The following ZNF385B variants were observed in gnomAD, a reference collection of about 807,000 sequenced individuals.
ZNF385B encodes the protein zinc finger protein 533.
ZNF385B carries 23 observed loss-of-function variants against 39.2 expected under a neutral mutation model. The observed-to-expected ratio is 0.59, with a 90% CI of 0.42 to 0.83. ZNF385B has a LOEUF of 0.83. Ranked by LOEUF, ZNF385B falls within the 40% of genes least tolerant of loss-of-function variation. The probability of loss-of-function intolerance (pLI) is 0.00; values close to 1 mark genes in which losing one functional copy is unlikely to be tolerated. For synonymous variants in ZNF385B, 205 were observed against 222.6 expected (o/e 0.92, Z 0.70); for missense variants, 552 against 598.9 (o/e 0.92, Z 0.82).
intron 1 of ZNF385B, among the ~76,000 whole-genome samples, chr2:179,825,629 T>C (rs990763346): frequency 6.6e-6 from 1 of 152,182 alleles, no homozygotes; most frequent in African/African-American, 2.4e-5. Flanking sequence ...TAGCTGTGCC[T>C]AGGCTTTATC....
At chr2:179,486,924 C>CA (rs1351492277) in intron 5 of ZNF385B, among the ~76,000 whole-genome samples, 2 of 151,552 alleles carry the variant, frequency 1.3e-5, no homozygotes, top group Non-Finnish European at 2.9e-5. Flanking sequence ...TCAAAAAAAA[C>CA]AAAAAACAAA....
intron 1 of ZNF385B, among the ~76,000 whole-genome samples, chr2:179,779,217 C>T (rs184916162): frequency 3.4e-3 from 518 of 152,224 alleles, no homozygotes; most frequent in South Asian, 7.5e-3. Context: ...GATGATGAAA[C>T]CAAGAGCTAA....
At chr2:179,493,404 T>C (rs191261078) in intron 5 of ZNF385B, among the ~76,000 whole-genome samples, 3 of 151,754 alleles carry the variant, frequency 2.0e-5, no homozygotes, top group Admixed American at 1.3e-4. Context: ...TGCATACATA[T>C]ATGTACACAA....
intron 3 of ZNF385B, among the ~76,000 whole-genome samples, chr2:179,691,930 C>T (rs888435446): frequency 6.6e-6 from 1 of 152,058 alleles, no homozygotes; most frequent in East Asian, 1.9e-4. Flanking sequence ...TTAATGCAAG[C>T]ATACAATGTG....
At chr2:179,758,712 G>A (rs945845880) in intron 3 of ZNF385B, among the ~76,000 whole-genome samples, 3 of 152,146 alleles carry the variant, frequency 2.0e-5, no homozygotes, top group Non-Finnish European at 4.4e-5. Context: ...TTGAAGAGGG[G>A]TCTACTGGTA....
intron 5 of ZNF385B, among the ~76,000 whole-genome samples, chr2:179,503,887 T>C (rs1189996245): frequency 1.3e-5 from 2 of 151,296 alleles, no homozygotes; most frequent in Non-Finnish European, 2.9e-5. Flanking sequence ...TCTTTTTTTT[T>C]TTTTATACTT....
At chr2:179,802,840 T>C (rs1419279212) in intron 1 of ZNF385B, among the ~76,000 whole-genome samples, 1 of 152,154 alleles carries the variant, frequency 6.6e-6, no homozygotes, top group Non-Finnish European at 1.5e-5. Flanking sequence ...TCTGCTGTTC[T>C]GCTTTCTTTT....
At chr2:179,709,477 G>A (rs751119088) in intron 3 of ZNF385B, among the ~76,000 whole-genome samples, 2 of 152,100 alleles carry the variant, frequency 1.3e-5, no homozygotes, top group Non-Finnish European at 2.9e-5. Context: ...TTATATCCAG[G>A]GCATGCATAT....
intron 5 of ZNF385B, among the ~76,000 whole-genome samples, chr2:179,516,523 A>C (rs868296486): frequency 1.3e-5 from 2 of 152,048 alleles, no homozygotes; most frequent in African/African-American, 2.4e-5. Flanking sequence ...TATTTCCTTA[A>C]TCGTTAAACA....
In ZNF385B at chr2:179,467,815, A is replaced by C. The variant is rs973412765; in HGVS notation, c.715+15457T>G. Among the ~76,000 whole-genome samples, 53 of 152,136 alleles carry C rather than the reference A, an allele frequency of 3.5e-4. 1 individual carries two copies. Among genetic ancestry groups the C allele is most frequent in the East Asian group, 1.9e-4 (1 of 5,206 alleles). On this transcript the variant is annotated intron_variant, in intron 6 of 9. Transcript: ENST00000410066. ...ATCTGCATGTCCTTTAGAAAAAAAA[A>C]AACAACAAAATAAAAAGCATATTCA... is the stretch of plus-strand genomic sequence containing the variant.
intron 6 of ZNF385B, among the ~76,000 whole-genome samples, chr2:179,447,872 C>T (rs2049662950): frequency 6.6e-6 from 1 of 151,990 alleles, no homozygotes; most frequent in South Asian, 2.1e-4. Flanking sequence ...TATGGGTAAA[C>T]CTAAGCTTTT....
At chr2:179,618,997 C>T (rs1167293523) in intron 3 of ZNF385B, among the ~76,000 whole-genome samples, 1 of 152,076 alleles carries the variant, frequency 6.6e-6, no homozygotes, top group Non-Finnish European at 1.5e-5. Context: ...TACTATGAAA[C>T]AACACCTGGT....
chr2:179,571,359 T>C (rs1347404680), intron 3 of ZNF385B, among the ~76,000 whole-genome samples: 1 of 152,208 alleles, frequency 6.6e-6, no homozygotes, highest in African/African-American at 2.4e-5. Context: ...CACTGTGATC[T>C]ATTGAGCATT....
At chr2:179,704,696 G>C (rs548738572) in intron 3 of ZNF385B, among the ~76,000 whole-genome samples, 45 of 152,246 alleles carry the variant, frequency 3.0e-4, no homozygotes, top group Non-Finnish European at 4.9e-4. Context: ...CAGGGCCAAA[G>C]GTACTCTGAA....
intron 3 of ZNF385B, among the ~76,000 whole-genome samples, chr2:179,607,554 T>C (rs1314095240): frequency 1.3e-5 from 2 of 152,150 alleles, no homozygotes; most frequent in African/African-American, 4.8e-5. Flanking sequence ...TCTCAGGTAG[T>C]TCTTTATAGC....
chr2:179,696,349 T>TTTTTTTTTTTTTTTTTTTTTTTCA (rs1698759061), intron 3 of ZNF385B, among the ~76,000 whole-genome samples: 1 of 143,626 alleles, frequency 7.0e-6, no homozygotes. Context: ...TTTTTTTTTT[T>TTTTTTTTTTTTTTTTTTTTTTTCA]GCATCCTAGG....
chr2:179,603,426 G>A (rs1688560728), intron 3 of ZNF385B, among the ~76,000 whole-genome samples: 1 of 152,138 alleles, frequency 6.6e-6, no homozygotes, highest in Admixed American at 6.6e-5. Context: ...CATTGGTAAA[G>A]CTTTGGTCTT....
At chr2:179,670,744 T>A (rs1401240961) in intron 3 of ZNF385B, among the ~76,000 whole-genome samples, 4 of 152,124 alleles carry the variant, frequency 2.6e-5, no homozygotes, top group African/African-American at 9.7e-5. Flanking sequence ...ATGAGTGAAT[T>A]TAGGGGGTAC....
intron 5 of ZNF385B, among the ~76,000 whole-genome samples, chr2:179,495,761 A>G (rs2056135828): frequency 1.3e-5 from 2 of 152,200 alleles, no homozygotes; most frequent in African/African-American, 4.8e-5. Flanking sequence ...TCAAGGTGGT[A>G]CCTCTATGAG....
Sources: gnomAD v4.1 joint callset for allele counts (sites outside exome capture counted in the v4.1 genomes callset) on GRCh38, gnomAD v4.1.1 for gene constraint, MANE v1.5 for transcripts, NCBI Gene and HGNC (gene_info 2026-07-23, HGNC 2026-07-21) for gene names.